PLPPR4: variants seen among roughly 807,000 people sequenced by gnomAD.
PLPPR4 encodes phospholipid phosphatase-related protein type 4.
A neutral mutation model predicts 56.6 loss-of-function variants in PLPPR4; 24 were observed. The ratio of observed to expected loss-of-function variants is 0.42; its 90% CI spans 0.31 to 0.60. The LOEUF (loss-of-function observed/expected upper bound fraction) is 0.60, where lower values mean the gene tolerates loss of function less well. Among genes scored for constraint, PLPPR4 ranks in the 20% least tolerant of loss-of-function variants. The pLI, the probability that PLPPR4 is intolerant of heterozygous loss-of-function variation, is 0.13. For synonymous variants in PLPPR4, 326 were observed against 328.1 expected (o/e 0.99, Z 0.07); for missense variants, 654 against 885.8 (o/e 0.74, Z 3.32).
chr1:99,289,181 T>C (rs1659551568), intron 2 of PLPPR4, among the ~76,000 whole-genome samples: 1 of 152,168 alleles, frequency 6.6e-6, no homozygotes, highest in African/African-American at 2.4e-5. Context: ...GCTTTTAGCA[T>C]GTTCATGAAT....
rs1330353165 is a variant in PLPPR4, at chr1:99,299,248, A to G, written c.590+18A>G. On this transcript the variant is annotated intron_variant, in intron 4 of 6. Transcript: ENST00000370185. ...AGTGGCAGGTTAGAAACAGATCTAA[A>G]AACACTCTGCATCATTGTTTTCATT... 1 of 1,581,068 alleles carries G rather than the reference A, an allele frequency of 6.3e-7. No individual in the cohort carries two copies. The highest frequency in any genetic ancestry group is 1.7e-5 in the Admixed American group (1 of 59,512).
Position 99,287,967 on chromosome 1 carries a change from G to T in PLPPR4, c.81G>T (p.Leu27Phe), listed in dbSNP as rs1350249945. The stretch of plus-strand genomic sequence containing the variant: ...TCTTCTTTGTCCTTCATTCTTAGTT[G>T]CCTATATTGGCATCATCGGTGGTTA... ...TLLPCFYFVE[L>F]PILASSVVSL... The change falls in exon 2 of 7, where the codon TTG (leucine) becomes TTT (phenylalanine). Residue 27 changes from leucine to phenylalanine, a missense_variant and splice_region_variant. Transcript: ENST00000370185. The T allele has an allele frequency of 1.2e-6, 2 of 1,611,678 alleles. No individual in the cohort carries two copies. Among genetic ancestry groups the T allele is most frequent in the East Asian group, 4.5e-5 (2 of 44,696 alleles).
intron 1 of PLPPR4, among the ~76,000 whole-genome samples, chr1:99,271,630 C>T (rs933310143): frequency 1.3e-5 from 2 of 152,034 alleles, no homozygotes; most frequent in Non-Finnish European, 2.9e-5. Flanking sequence ...TAATTTTTGA[C>T]ATGTCTAGAA....
intron 5 of PLPPR4, 58 bp downstream of exon 5, chr1:99,301,024 T>A: frequency 1.4e-6 from 2 of 1,466,152 alleles, no homozygotes; most frequent in Non-Finnish European, 1.9e-6. Flanking sequence ...GAGGAATGAA[T>A]GTTGTCTCCA....
chr1:99,276,741 A>C (rs1394921537), intron 1 of PLPPR4, among the ~76,000 whole-genome samples: 1 of 152,196 alleles, frequency 6.6e-6, no homozygotes, highest in Non-Finnish European at 1.5e-5. Flanking sequence ...TAAAGTACTG[A>C]TGCTAATGGG....
At chr1:99,285,649 A>T (rs1039407406) in intron 1 of PLPPR4, among the ~76,000 whole-genome samples, 2 of 152,218 alleles carry the variant, frequency 1.3e-5, no homozygotes, top group East Asian at 3.9e-4. Context: ...ATTATTTCCT[A>T]ACTACAAAAA....
In PLPPR4 at chr1:99,288,117, G is replaced by C; in HGVS notation, c.231G>C (p.Leu77Phe). 1 of 1,613,492 alleles carries C rather than the reference G, an allele frequency of 6.2e-7. No homozygotes were observed. The highest frequency in any genetic ancestry group is 8.5e-7 in the Non-Finnish European group (1 of 1,179,706). ...PTQEAIPFLM[L>F]LSLAFAGPAI... The stretch of plus-strand genomic sequence containing the variant: ...AGGAGGCAATTCCATTCCTCATGTT[G>C]CTTAGCTTGGCTTTTGCTGGACCTG... The change falls in exon 2 of 7, where the codon TTG becomes TTC. Residue 77 changes from leucine (L) to phenylalanine (F), a missense_variant. Around this residue, in one of 2 missense-constraint regions of PLPPR4, gnomAD observed 186 missense variants for 331.4 expected, o/e 0.56. Coordinates refer to ENST00000370185, the MANE Select transcript of PLPPR4 (RefSeq NM_014839.5).
intron 1 of PLPPR4, among the ~76,000 whole-genome samples, chr1:99,279,660 C>A (rs1659275127): frequency 6.6e-6 from 1 of 152,064 alleles, no homozygotes; most frequent in Admixed American, 6.6e-5. Context: ...TGAAAAGCAC[C>A]AGACTAGTGC....
At chr1:99,266,792 T>C (rs1307729825) in intron 1 of PLPPR4, among the ~76,000 whole-genome samples, 1 of 152,196 alleles carries the variant, frequency 6.6e-6, no homozygotes, top group Non-Finnish European at 1.5e-5. Flanking sequence ...CTAAAGAGCC[T>C]CCAGAAAATG....
intron 1 of PLPPR4, among the ~76,000 whole-genome samples, chr1:99,279,978 A>G (rs1195673705): frequency 6.6e-6 from 1 of 152,204 alleles, no homozygotes; most frequent in Non-Finnish European, 1.5e-5. Context: ...TCAGATTGGA[A>G]CAAACAAAGC....
intron 1 of PLPPR4, among the ~76,000 whole-genome samples, chr1:99,274,343 A>G (rs1428917534): frequency 6.6e-6 from 1 of 152,074 alleles, no homozygotes; most frequent in Non-Finnish European, 1.5e-5. Context: ...ATTATAAAAT[A>G]TGGCCAAGAA....
At chr1:99,275,883 G>C (rs1659174008) in intron 1 of PLPPR4, among the ~76,000 whole-genome samples, 1 of 152,010 alleles carries the variant, frequency 6.6e-6, no homozygotes, top group African/African-American at 2.4e-5. Context: ...GATTCCAGAG[G>C]TCAATGCAGC....
chr1:99,283,901 G>A (rs1659399574), intron 1 of PLPPR4, among the ~76,000 whole-genome samples: 1 of 152,062 alleles, frequency 6.6e-6, no homozygotes, highest in Admixed American at 6.5e-5. Context: ...GTAGGGGGCC[G>A]AAATGGCACC....
chr1:99,299,099 A>G lies in PLPPR4; in HGVS notation c.459A>G (p.Gly153=). 6.2e-7 allele frequency: 1 copy of G among 1,613,590 alleles called. No homozygotes were observed. The highest frequency in any genetic ancestry group is 8.5e-7 in the Non-Finnish European group (1 of 1,179,706). ...CAGATATCATACAGCTGTCCACAGG[A>G]TATCAAGCACCTTACTTTCTGACTG... ...LITDIIQLST[G]YQAPYFLTVC... Residue 153 remains glycine, a synonymous_variant, in exon 4 of 7, where the codon GGA becomes GGG. Coordinates refer to ENST00000370185, the MANE Select transcript of PLPPR4 (RefSeq NM_014839.5).
rs1230427770 is a variant in PLPPR4, at chr1:99,299,114, C to T, written c.474C>T (p.Tyr158=). The T allele has an allele frequency of 1.2e-6, 2 of 1,613,296 alleles. No homozygotes were observed. Among genetic ancestry groups the T allele is most frequent in the African/African-American group, 1.3e-5 (1 of 74,874 alleles). Residue 158 remains tyrosine, a synonymous_variant, in exon 4 of 7, where the codon TAC becomes TAT. Transcript: ENST00000370185. ...IQLSTGYQAP[Y]FLTVCKPNYT... is the part of the protein sequence containing the mutation. The stretch of plus-strand genomic sequence containing the variant: ...TGTCCACAGGATATCAAGCACCTTA[C>T]TTTCTGACTGTGTGCAAACCAAACT...
At position 99,305,950 on chromosome 1, in the gene PLPPR4, T is replaced by C; in HGVS notation, c.1088T>C (p.Val363Ala). 2.5e-6 allele frequency: 4 copies of C among 1,614,086 alleles called. No homozygotes were observed. The highest frequency in any genetic ancestry group is 3.4e-6 in the Non-Finnish European group (4 of 1,180,002). ...AGCCCCATGGGGAAGGAGAACATGG[T>C]TACCTTCAGCAATACCTTGCCGCGA... Reference protein sequence around the residue: ...PRSPMGKENMVTFSNTLPRAN... With the variant: ...PRSPMGKENMATFSNTLPRAN... The change falls in exon 7 of 7, where the codon GTT (valine) becomes GCT (alanine). Residue 363 changes from valine (V) to alanine (A), a missense_variant. Physicochemically the swap from Val to Ala is moderately conservative, Grantham distance 64. Transcript: ENST00000370185.
chr1:99,278,574 C>G (rs940289461), intron 1 of PLPPR4, among the ~76,000 whole-genome samples: 1 of 152,110 alleles, frequency 6.6e-6, no homozygotes, highest in Non-Finnish European at 1.5e-5. Context: ...GTCTTAGTCT[C>G]TAACGGTTTA....
chr1:99,282,313 T>C (rs12059455), intron 1 of PLPPR4, among the ~76,000 whole-genome samples: 12,620 of 152,162 alleles, frequency 0.083, 1,008 homozygotes, highest in African/African-American at 0.2. Flanking sequence ...ATCAACAATC[T>C]GCCGATTTCT....
intron 2 of PLPPR4, among the ~76,000 whole-genome samples, chr1:99,288,667 C>T (rs1659536447): frequency 6.6e-6 from 1 of 152,036 alleles, no homozygotes; most frequent in African/African-American, 2.4e-5. Flanking sequence ...CATACACATA[C>T]ATACAGACAT....
Sources: gnomAD v4.1 joint callset for allele counts (sites outside exome capture counted in the v4.1 genomes callset) on GRCh38, gnomAD v4.1.1 for gene constraint, gnomAD v4.1.1 regional missense constraint, MANE v1.5 for transcripts, NCBI Gene and HGNC (gene_info 2026-07-23, HGNC 2026-07-21) for gene names.